The following GPR158 variants were observed in gnomAD, a reference collection of about 807,000 sequenced individuals.
GPR158 encodes G protein-coupled receptor 158, also known as metabotropic glycine receptor.
GPR158 carries 30 observed loss-of-function variants against 78.2 expected under a neutral mutation model. That is an observed-to-expected ratio of 0.38 (90% confidence interval 0.29 to 0.52). The LOEUF is 0.52. Among genes scored for constraint, GPR158 ranks in the 20% least tolerant of loss-of-function variants. The pLI is 0.83. For synonymous variants in GPR158, 581 were observed against 591.1 expected (o/e 0.98, Z 0.25); for missense variants, 1,463 against 1,523.5 (o/e 0.96, Z 0.66).
At chr10:25,369,132 C>T (rs1372764355) in intron 2 of GPR158, among the ~76,000 whole-genome samples, 1 of 151,686 alleles carries the variant, frequency 6.6e-6, no homozygotes, top group African/African-American at 2.4e-5. Flanking sequence ...ATTTGTCTTC[C>T]TCTTTTCCTA....
chr10:25,215,775 C>T (rs1279086463), intron 1 of GPR158, among the ~76,000 whole-genome samples: 4 of 152,192 alleles, frequency 2.6e-5, no homozygotes, highest in Admixed American at 6.5e-5. Context: ...GTGGAGGTTG[C>T]AGTGGGCTGA....
chr10:25,339,285 C>A (rs977262021), intron 2 of GPR158, among the ~76,000 whole-genome samples: 1 of 151,972 alleles, frequency 6.6e-6, no homozygotes, highest in Non-Finnish European at 1.5e-5. Context: ...CCAGGCCTAG[C>A]TATTTCTAAA....
chr10:25,206,003 T>A (rs868083993), intron 1 of GPR158, among the ~76,000 whole-genome samples: 1,730 of 146,646 alleles, frequency 0.012, 38 homozygotes, highest in African/African-American at 0.042. Flanking sequence ...TTTTTTTTTT[T>A]TGAGATGGAG....
rs1259799207 is a variant in GPR158, at chr10:25,600,639, C to T, written c.*1365C>T. On this transcript the variant is annotated 3_prime_UTR_variant, in exon 11 of 11. Transcript: ENST00000376351. The stretch of plus-strand genomic sequence containing the variant: ...CAGGTAGAACTTGCTGGGCTCAAAT[C>T]CCAAAGAGGTTTTATAACCTTATTT... The T allele has an allele frequency of 1.3e-5, 2 of 152,500 alleles. No individual in the cohort carries two copies. The highest frequency in any genetic ancestry group is 2.9e-5 in the Non-Finnish European group (2 of 68,010). 9.4% of individuals were successfully genotyped at this position (152,500 alleles called of 1,614,324 possible).
intron 2 of GPR158, among the ~76,000 whole-genome samples, chr10:25,378,566 G>A (rs1205473027): frequency 6.6e-6 from 1 of 151,510 alleles, no homozygotes; most frequent in African/African-American, 2.4e-5. Context: ...TTTTAATACA[G>A]TATTTCTTTT....
chr10:25,436,054 C>T (rs1339553981), intron 4 of GPR158, among the ~76,000 whole-genome samples: 2 of 151,940 alleles, frequency 1.3e-5, no homozygotes, highest in South Asian at 2.1e-4. Context: ...GGATAGTTTC[C>T]AGGATGAGGG....
intron 1 of GPR158, among the ~76,000 whole-genome samples, chr10:25,188,922 C>T (rs1484689340): frequency 1.3e-5 from 2 of 151,930 alleles, no homozygotes; most frequent in South Asian, 2.1e-4. Context: ...ACAAAGAACT[C>T]AAACAAATTT....
chr10:25,462,094 G>A (rs1835365128), intron 4 of GPR158, among the ~76,000 whole-genome samples: 1 of 152,064 alleles, frequency 6.6e-6, no homozygotes, highest in Non-Finnish European at 1.5e-5. Context: ...AACTTCAAAG[G>A]AAAGATTGAC....
intron 2 of GPR158, among the ~76,000 whole-genome samples, chr10:25,391,737 G>A (rs1754269): frequency 0.65 from 98,030 of 151,936 alleles, 32,602 homozygotes; most frequent in Non-Finnish European, 0.73. Context: ...GAAATGAATT[G>A]AGACTTTGGG....
intron 2 of GPR158, among the ~76,000 whole-genome samples, chr10:25,299,880 G>A (rs1854566339): frequency 6.6e-6 from 1 of 151,898 alleles, no homozygotes; most frequent in Non-Finnish European, 1.5e-5. Flanking sequence ...AGGCTGGAGT[G>A]CGGTATCATG....
chr10:25,415,510 C>T (rs1341963), intron 4 of GPR158, among the ~76,000 whole-genome samples: 59,414 of 151,770 alleles, frequency 0.39, 13,937 homozygotes, highest in Middle Eastern at 0.55. Context: ...GCAAGTGTTG[C>T]GGATGTGGAG....
intron 6 of GPR158, among the ~76,000 whole-genome samples, chr10:25,564,167 T>A (rs555342162): frequency 2.0e-5 from 3 of 152,322 alleles, no homozygotes; most frequent in South Asian, 2.1e-4. Flanking sequence ...AAATACTTTT[T>A]AAAATCTGAA....
chr10:25,549,373 AAT>A (rs1836701475), intron 5 of GPR158, among the ~76,000 whole-genome samples: 1 of 152,154 alleles, frequency 6.6e-6, no homozygotes, highest in African/African-American at 2.4e-5. Flanking sequence ...TATGCAAAGA[AAT>A]ATGTCTGAAA....
intron 5 of GPR158, among the ~76,000 whole-genome samples, chr10:25,481,721 C>T (rs1451113900): frequency 6.6e-6 from 1 of 152,174 alleles, no homozygotes; most frequent in East Asian, 1.9e-4. Context: ...AAAGTGGCTG[C>T]ACCATTTTCC....
At chr10:25,448,747 C>A (rs957040496) in intron 4 of GPR158, among the ~76,000 whole-genome samples, 4 of 152,118 alleles carry the variant, frequency 2.6e-5, no homozygotes, top group African/African-American at 9.7e-5. Context: ...TATGGAAATT[C>A]CATTTGCTGT....
intron 2 of GPR158, among the ~76,000 whole-genome samples, chr10:25,290,719 T>A (rs1000366185): frequency 1.3e-5 from 2 of 152,120 alleles, no homozygotes; most frequent in African/African-American, 4.8e-5. Context: ...AGTAGTTTCT[T>A]ATATTTATGT....
At chr10:25,330,351 G>A (rs200796154) in intron 2 of GPR158, among the ~76,000 whole-genome samples, 2 of 152,240 alleles carry the variant, frequency 1.3e-5, no homozygotes, top group East Asian at 3.9e-4. Flanking sequence ...TGCTGCAGGA[G>A]CACAGAAGCA....
intron 1 of GPR158, among the ~76,000 whole-genome samples, chr10:25,205,045 AC>A (rs1351471847): frequency 6.6e-6 from 1 of 151,078 alleles, no homozygotes; most frequent in Non-Finnish European, 1.5e-5. Flanking sequence ...ATAAGGGGAA[AC>A]CCCTTTCACT....
intron 5 of GPR158, among the ~76,000 whole-genome samples, chr10:25,510,483 G>A (rs184040399): frequency 1.2e-3 from 186 of 152,266 alleles, no homozygotes; most frequent in African/African-American, 4.2e-3. Flanking sequence ...GCTTAGCCCA[G>A]TACAATCTAA....
Sources: gnomAD v4.1 joint callset for allele counts (sites outside exome capture counted in the v4.1 genomes callset) on GRCh38, gnomAD v4.1.1 for gene constraint, MANE v1.5 for transcripts, NCBI Gene and HGNC (gene_info 2026-07-23, HGNC 2026-07-21) for gene names.